Variants in EVI5 observed in about 807,000 individuals in gnomAD.
The protein encoded by EVI5 is ecotropic viral integration site 5, also known as ecotropic viral integration site 5 protein homolog.
In EVI5, 73 loss-of-function variants were observed where a neutral mutation model predicts 112.0. That is an observed-to-expected ratio of 0.65 (90% CI 0.54 to 0.79). The LOEUF is 0.79. EVI5 is among the 30% of genes least tolerant of loss of function. The pLI is 0.00. For missense variants in EVI5, 900 were observed against 968.8 expected, an observed-to-expected ratio of 0.93 and a Z score of 0.94; for synonymous variants, 305 against 319.9, an observed-to-expected ratio of 0.95 and a Z score of 0.50.
At chr1:92,563,884 A>C in intron 18 of EVI5, 147 bp from the exon 19 acceptor site, 1 of 459,422 alleles carries the variant, frequency 2.2e-6, no homozygotes, top group Middle Eastern at 5.4e-4. Context: ...TACCTCTGAC[A>C]AACAATTCAT....
intron 13 of EVI5, among the ~76,000 whole-genome samples, chr1:92,636,694 A>G (rs988788608): frequency 6.6e-6 from 1 of 152,244 alleles, no homozygotes; most frequent in Non-Finnish European, 1.5e-5. Flanking sequence ...GATAGCAATT[A>G]GCCACATGTG....
chr1:92,665,268 T>C (rs1019896876), intron 11 of EVI5, among the ~76,000 whole-genome samples: 1 of 152,128 alleles, frequency 6.6e-6, no homozygotes, highest in African/African-American at 2.4e-5. Flanking sequence ...TGTCTTTCTT[T>C]TAATAAAGCA....
chr1:92,755,665 G>T (rs1023847075), intron 1 of EVI5: 5 of 152,268 alleles, frequency 3.3e-5, no homozygotes, highest in Admixed American at 6.5e-5. Context: ...TTTAACAATG[G>T]GGGGAGCTTG....
intron 1 of EVI5, among the ~76,000 whole-genome samples, chr1:92,760,642 G>A (rs756997216): frequency 6.6e-6 from 1 of 151,708 alleles, no homozygotes; most frequent in Non-Finnish European, 1.5e-5. Flanking sequence ...GCTAAGGCAG[G>A]AGAATTGCTT....
At chr1:92,576,473 T>A (rs1671103146) in intron 18 of EVI5, among the ~76,000 whole-genome samples, 1 of 152,184 alleles carries the variant, frequency 6.6e-6, no homozygotes. Context: ...ACTTTATTTT[T>A]AAATTTTTAC....
chr1:92,514,678 A>C (rs1450468861), intron 19 of EVI5, among the ~76,000 whole-genome samples: 3 of 152,164 alleles, frequency 2.0e-5, no homozygotes, highest in African/African-American at 7.2e-5. Flanking sequence ...AGTAACACCC[A>C]TCATGGACAA....
rs772739890 is a variant in EVI5, at chr1:92,697,927, C to T, written c.698G>A (p.Arg233His). Residue 233 changes from arginine to histidine, a missense_variant, in exon 6 of 20, where the codon CGT becomes CAT. Coordinates refer to ENST00000684568, the MANE Select transcript of EVI5 (RefSeq NM_001350197.2). ...FVKLMQDYRL[R>H]ELFKPSMAEL... is the part of the protein sequence containing the mutation. ...TGCCATACTTGGTTTAAAAAGTTCA[C>T]GAAGTCTATAATCTTGCATTAATTT... The T allele has an allele frequency of 6.8e-6, 11 of 1,612,452 alleles. No individual in the cohort carries two copies. The highest frequency in any genetic ancestry group is 5.5e-5 in the South Asian group (5 of 91,032).
At chr1:92,757,205 G>A (rs913360738) in intron 1 of EVI5, among the ~76,000 whole-genome samples, 4 of 152,166 alleles carry the variant, frequency 2.6e-5, no homozygotes, top group African/African-American at 9.7e-5. Context: ...AAATGCTCAC[G>A]TCCTGGCTAA....
At chr1:92,535,783 T>C (rs991005808) in intron 19 of EVI5, among the ~76,000 whole-genome samples, 6 of 151,910 alleles carry the variant, frequency 3.9e-5, no homozygotes, top group Non-Finnish European at 8.8e-5. Flanking sequence ...AGGGGAGGGA[T>C]AGCATTAGGA....
rs530462514 is a variant in EVI5, at chr1:92,676,795, T to C, written c.1158+363A>G. Among the ~76,000 whole-genome samples the C allele has an allele frequency of 9.2e-5, 14 of 152,326 alleles. No individual in the cohort carries two copies. In the East Asian group the frequency reaches 1.5e-3, roughly 17 times the overall value. On this transcript the variant is annotated intron_variant, in intron 10 of 19. Transcript: ENST00000684568. ...TAGTTCTAGTGTAATATATGCTCTA[T>C]TTAATGTTTGCCTGAGATTACACTC...
At chr1:92,614,840 TTATATATA>T (rs561640520) in intron 16 of EVI5, among the ~76,000 whole-genome samples, 62 of 12,568 alleles carry the variant, frequency 4.9e-3, no homozygotes, top group African/African-American at 0.012. Context: ...ATGTTATATT[TTATATATA>T]TATATATATA....
chr1:92,581,269 T>A lies in EVI5; in HGVS notation c.2071-17532A>T, dbSNP rs116564587. On this transcript the variant is annotated intron_variant, in intron 18 of 19. Transcript: ENST00000684568. ...TAAACAAGGGCTCTTCTTACTCTTC[T>A]GAGATTTTGTTAAATATCTTGTACT... is the stretch of plus-strand genomic sequence containing the variant. 3.9e-3 allele frequency among the ~76,000 whole-genome samples: 597 copies of A among 152,348 alleles called. 3 individuals carry two copies. The highest frequency in any genetic ancestry group is 0.01 in the Admixed American group (155 of 15,302).
At chr1:92,730,130 A>C (rs1166476479) in intron 2 of EVI5, among the ~76,000 whole-genome samples, 3 of 152,146 alleles carry the variant, frequency 2.0e-5, no homozygotes, top group Non-Finnish European at 4.4e-5. Context: ...TTTGGGAGGC[A>C]GAGGCAGGAG....
At chr1:92,741,582 A>G (rs1274024058) in intron 1 of EVI5, among the ~76,000 whole-genome samples, 1 of 151,364 alleles carries the variant, frequency 6.6e-6, no homozygotes, top group African/African-American at 2.4e-5. Context: ...TTTTAAAAAG[A>G]AAAAAAAACT....
At chr1:92,633,166 A>G (rs919537758) in intron 14 of EVI5, among the ~76,000 whole-genome samples, 8 of 152,116 alleles carry the variant, frequency 5.3e-5, no homozygotes, top group African/African-American at 1.9e-4. Flanking sequence ...TGGGGTGGAG[A>G]GTTCTGTAGA....
intron 13 of EVI5, among the ~76,000 whole-genome samples, chr1:92,658,131 C>A (rs1572148215): frequency 6.6e-6 from 1 of 152,282 alleles, no homozygotes; most frequent in African/African-American, 2.4e-5. Context: ...CAGCCAACAT[C>A]ATAATGAATG....
intron 13 of EVI5, among the ~76,000 whole-genome samples, chr1:92,655,567 A>G (rs187560601): frequency 5.6e-4 from 86 of 152,300 alleles, no homozygotes; most frequent in African/African-American, 2.1e-3. Flanking sequence ...AAAAAGGATG[A>G]TCCAGTAATA....
In EVI5 at chr1:92,599,909, T is replaced by C. The variant is rs764213196; in HGVS notation, c.2070+5398A>G. ...AGGATTTTATGCTAAGGAGTTTCGA[T>C]ATGATTGGTATTTAAAAGGTAGTCA... is the stretch of plus-strand genomic sequence containing the variant. On this transcript the variant is annotated intron_variant, in intron 18 of 19. Coordinates refer to ENST00000684568, the MANE Select transcript of EVI5 (RefSeq NM_001350197.2). Among the ~76,000 whole-genome samples, 6 of 152,236 alleles carry C rather than the reference T, an allele frequency of 3.9e-5. No individual in the cohort carries two copies. The East Asian group carries it at 1.2e-3, about 29-fold the overall frequency.
At chr1:92,632,641 T>C (rs1030425426) in intron 14 of EVI5, among the ~76,000 whole-genome samples, 1 of 152,208 alleles carries the variant, frequency 6.6e-6, no homozygotes, top group Non-Finnish European at 1.5e-5. Flanking sequence ...GATTCATTGA[T>C]TTTTTGAAGG....
Sources: gnomAD v4.1 joint callset for allele counts (sites outside exome capture counted in the v4.1 genomes callset) on GRCh38, gnomAD v4.1.1 for gene constraint, MANE v1.5 for transcripts, NCBI Gene and HGNC (gene_info 2026-07-23, HGNC 2026-07-21) for gene names.